Variants in WDR64 observed in about 807,000 individuals in gnomAD.
WDR64 encodes WD repeat domain 64.
In WDR64, 112 loss-of-function variants were observed where a neutral mutation model predicts 139.3. The observed-to-expected ratio is 0.80, with a 90% CI of 0.69 to 0.94. The LOEUF is 0.94. WDR64 is among the 40% of genes least tolerant of loss of function. The pLI, the probability that WDR64 is intolerant of heterozygous loss-of-function variation, is 0.00. For synonymous variants in WDR64, 444 were observed against 437.7 expected (o/e 1.01, Z -0.18); for missense variants, 1,206 against 1,293.1 (o/e 0.93, Z 1.03).
chr1:241,754,294 G>A (rs1319201919), intron 14 of WDR64, among the ~76,000 whole-genome samples: 1 of 149,780 alleles, frequency 6.7e-6, no homozygotes, highest in East Asian at 2.0e-4. Context: ...AGAACGTGCA[G>A]GGTTTTTTTT....
chr1:241,790,284 G>A (rs1659173424), intron 24 of WDR64, among the ~76,000 whole-genome samples: 1 of 152,208 alleles, frequency 6.6e-6, no homozygotes, highest in Non-Finnish European at 1.5e-5. Context: ...CTGGGAGGCA[G>A]AGGTTGCAGT....
At chr1:241,711,975 T>C (rs1668188832) in intron 9 of WDR64, 94 bp downstream of exon 9, 2 of 1,167,780 alleles carry the variant, frequency 1.7e-6, no homozygotes, top group African/African-American at 3.0e-5. Context: ...TTAGGGAATT[T>C]ACAAATTTGT....
chr1:241,785,941 T>C (rs768505183), intron 23 of WDR64, among the ~76,000 whole-genome samples: 2 of 152,166 alleles, frequency 1.3e-5, no homozygotes, highest in Non-Finnish European at 2.9e-5. Flanking sequence ...GGATTAGTTA[T>C]TTGGGAGAGC....
chr1:241,668,848 C>A (rs570327482), intron 2 of WDR64, among the ~76,000 whole-genome samples: 2 of 151,210 alleles, frequency 1.3e-5, no homozygotes, highest in African/African-American at 4.9e-5. Context: ...TGCAGTGAGT[C>A]GAGATCACAC....
At chr1:241,780,588 A>G (rs750558638) in intron 22 of WDR64, among the ~76,000 whole-genome samples, 54 of 152,196 alleles carry the variant, frequency 3.5e-4, no homozygotes, top group Non-Finnish European at 7.5e-4. Flanking sequence ...AAAGCTAAAT[A>G]TTAGCTTAAA....
chr1:241,747,812 G>C (rs1008419561), intron 13 of WDR64, among the ~76,000 whole-genome samples: 1 of 152,178 alleles, frequency 6.6e-6, no homozygotes, highest in Non-Finnish European at 1.5e-5. Context: ...AGGCACTTCC[G>C]CGGAAGGCAG....
intron 8 of WDR64, among the ~76,000 whole-genome samples, chr1:241,711,221 A>G (rs1668150197): frequency 7.1e-6 from 1 of 140,978 alleles, no homozygotes; most frequent in African/African-American, 2.7e-5. Flanking sequence ...TGGGTGACAA[A>G]ACGAGACCTT....
intron 27 of WDR64, among the ~76,000 whole-genome samples, chr1:241,800,622 G>C (rs1342831105): frequency 6.6e-6 from 1 of 152,074 alleles, no homozygotes; most frequent in Non-Finnish European, 1.5e-5. Context: ...ACTCCAGCCT[G>C]GGTGACAGAG....
chr1:241,766,474 G>C, intron 16 of WDR64, 123 bp downstream of exon 16: 1 of 1,112,500 alleles, frequency 9.0e-7, no homozygotes, highest in Non-Finnish European at 1.2e-6. Flanking sequence ...ACTTTGGGAG[G>C]AGGATCACTT....
intron 1 of WDR64, among the ~76,000 whole-genome samples, chr1:241,653,049 C>T (rs1665425677): frequency 6.6e-6 from 1 of 152,202 alleles, no homozygotes; most frequent in South Asian, 2.1e-4. Context: ...TCCTGCCTCA[C>T]CATGATTCCA....
At chr1:241,696,789 A>T (rs1156626778) in intron 8 of WDR64, among the ~76,000 whole-genome samples, 3 of 152,070 alleles carry the variant, frequency 2.0e-5, no homozygotes, top group Non-Finnish European at 4.4e-5. Flanking sequence ...TCTTTACTGC[A>T]ACCTGTTTTA....
At chr1:241,758,595 T>C (rs1284553197) in intron 15 of WDR64, among the ~76,000 whole-genome samples, 2 of 152,222 alleles carry the variant, frequency 1.3e-5, no homozygotes, top group African/African-American at 2.4e-5. Context: ...AATATCATTA[T>C]TGACTCACAA....
chr1:241,690,638 G>A (rs193227702), intron 8 of WDR64, among the ~76,000 whole-genome samples: 12 of 152,186 alleles, frequency 7.9e-5, no homozygotes, highest in South Asian at 2.1e-4. Flanking sequence ...TCTGTATACC[G>A]TGAAATTAGC....
intron 8 of WDR64, among the ~76,000 whole-genome samples, chr1:241,709,029 A>G (rs1374862682): frequency 1.3e-5 from 2 of 152,214 alleles, no homozygotes; most frequent in Non-Finnish European, 2.9e-5. Flanking sequence ...GAAAAGCTAC[A>G]TATGACCCAT....
At chr1:241,726,710 TAATC>T (rs1668856441) in intron 10 of WDR64, among the ~76,000 whole-genome samples, 1 of 151,608 alleles carries the variant, frequency 6.6e-6, no homozygotes, top group African/African-American at 2.4e-5. Context: ...AATATGTAAG[TAATC>T]AATTTTAAAT....
Position 241,749,702 on chromosome 1 carries a change from G to T in WDR64, c.1750G>T (p.Gly584Trp). Residue 584 changes from glycine (G) to tryptophan (W), a missense_variant, in exon 14 of 28, where the codon GGG (glycine) becomes TGG (tryptophan). Transcript: ENST00000437684. ...GCTGGTCCTGGCCTTGGAGCGCAAC[G>T]GGACTATCAAAATGATCCAGGTTTA... ...QQLVLALERN[G>W]TIKMIQGKED... The T allele has an allele frequency of 6.2e-7, 1 of 1,613,944 alleles. No individual in the cohort carries two copies. Among genetic ancestry groups the T allele is most frequent in the Non-Finnish European group, 8.5e-7 (1 of 1,179,956 alleles).
intron 7 of WDR64, among the ~76,000 whole-genome samples, chr1:241,685,893 G>A (rs1666985933): frequency 6.6e-6 from 1 of 152,158 alleles, no homozygotes; most frequent in Non-Finnish European, 1.5e-5. Flanking sequence ...TAGATGCTGA[G>A]ACATGAATCT....
At chr1:241,689,695 A>G (rs761605218) in intron 8 of WDR64, among the ~76,000 whole-genome samples, 4 of 152,234 alleles carry the variant, frequency 2.6e-5, no homozygotes, top group Non-Finnish European at 5.9e-5. Context: ...AACTACAATT[A>G]ACAGGCTAAG....
intron 5 of WDR64, 115 bp from the exon 6 acceptor site, chr1:241,679,370 C>A: frequency 1.2e-6 from 1 of 808,748 alleles, no homozygotes; most frequent in Non-Finnish European, 2.0e-6. Flanking sequence ...CAAGGCTTCT[C>A]TGTAATAAGG....
Sources: allele counts gnomAD v4.1 joint callset (sites outside exome capture counted in the v4.1 genomes callset), GRCh38; gene constraint gnomAD v4.1.1; transcripts MANE v1.5; gene names NCBI Gene and HGNC (gene_info 2026-07-23, HGNC 2026-07-21).